PACS1: variants seen among roughly 807,000 people sequenced by gnomAD.
The protein encoded by PACS1 is PACS-1.
In PACS1, 24 loss-of-function variants were observed where a neutral mutation model predicts 115.0. The observed-to-expected ratio is 0.21, with a 90% CI of 0.15 to 0.29. PACS1 has a LOEUF of 0.29. PACS1 is among the 10% of genes least tolerant of loss of function. The pLI is 1.00. For missense variants in PACS1, 838 were observed against 1,251.2 expected (o/e 0.67, Z 4.98); for synonymous variants, 453 against 504.5 (o/e 0.90, Z 1.37).
chr11:66,162,110 T>TG (rs1293064818), intron 1 of PACS1, among the ~76,000 whole-genome samples: 13 of 112,934 alleles, frequency 1.2e-4, no homozygotes, highest in African/African-American at 3.8e-4. Context: ...GTGGTGGTGG[T>TG]GGTTTTTTTT....
At chr11:66,201,038 G>A (rs1248855207) in intron 2 of PACS1, among the ~76,000 whole-genome samples, 2 of 152,200 alleles carry the variant, frequency 1.3e-5, no homozygotes, top group Admixed American at 6.5e-5. Flanking sequence ...GGCCAAAATG[G>A]TGACAGCCCG....
At chr11:66,207,743 G>A (rs1233353405) in intron 2 of PACS1, among the ~76,000 whole-genome samples, 1 of 152,080 alleles carries the variant, frequency 6.6e-6, no homozygotes, top group African/African-American at 2.4e-5. Flanking sequence ...CCAGGCTGGA[G>A]TGCAGTGATA....
chr11:66,238,779 A>G, intron 19 of PACS1, 25 bp from the exon 20 acceptor site: 1 of 1,576,628 alleles, frequency 6.3e-7, no homozygotes, highest in Admixed American at 1.8e-5. Context: ...GGAGGATCTA[A>G]TGAGTGCCTC....
At chr11:66,104,207 C>T (rs996531300) in intron 1 of PACS1, among the ~76,000 whole-genome samples, 2 of 151,906 alleles carry the variant, frequency 1.3e-5, no homozygotes, top group Non-Finnish European at 2.9e-5. Flanking sequence ...AATCAGGGAC[C>T]GTGTGTAAGT....
intron 1 of PACS1, among the ~76,000 whole-genome samples, chr11:66,143,499 C>G (rs746052018): frequency 6.6e-6 from 1 of 152,152 alleles, no homozygotes; most frequent in Non-Finnish European, 1.5e-5. Flanking sequence ...AGTATTGTTA[C>G]CGCACTTCCC....
At chr11:66,155,501 TATTA>T (rs1407029919) in intron 1 of PACS1, among the ~76,000 whole-genome samples, 1 of 152,264 alleles carries the variant, frequency 6.6e-6, no homozygotes, top group Non-Finnish European at 1.5e-5. Context: ...TACTTCATAT[TATTA>T]ATTATCAGAG....
intron 1 of PACS1, among the ~76,000 whole-genome samples, chr11:66,192,163 T>C (rs1854540780): frequency 6.6e-6 from 1 of 152,208 alleles, no homozygotes; most frequent in Non-Finnish European, 1.5e-5. Context: ...TTAATCTGAT[T>C]TTAGCTAGAA....
At chr11:66,126,459 G>A (rs1858573507) in intron 1 of PACS1, among the ~76,000 whole-genome samples, 2 of 152,122 alleles carry the variant, frequency 1.3e-5, no homozygotes. Flanking sequence ...ATCAGCTATT[G>A]AACTGGGAAA....
At chr11:66,142,300 T>G (rs1194151269) in intron 1 of PACS1, among the ~76,000 whole-genome samples, 1 of 152,060 alleles carries the variant, frequency 6.6e-6, no homozygotes, top group East Asian at 1.9e-4. Flanking sequence ...CGCTTAAGAA[T>G]CAGCATTTTT....
intron 1 of PACS1, among the ~76,000 whole-genome samples, chr11:66,166,593 G>A (rs750056696): frequency 1.3e-5 from 2 of 150,420 alleles, no homozygotes; most frequent in African/African-American, 2.5e-5. Flanking sequence ...ACAATTAATC[G>A]TTTATTTTTG....
At chr11:66,237,865 A>G (rs1166237752) in intron 19 of PACS1, among the ~76,000 whole-genome samples, 1 of 152,382 alleles carries the variant, frequency 6.6e-6, no homozygotes, top group South Asian at 2.1e-4. Flanking sequence ...AGAAGGGCGC[A>G]TAGAGAATCG....
At chr11:66,131,559 CTTTTG>C (rs1219214156) in intron 1 of PACS1, among the ~76,000 whole-genome samples, 1 of 152,128 alleles carries the variant, frequency 6.6e-6, no homozygotes, top group South Asian at 2.1e-4. Context: ...CAGCAGAAAT[CTTTTG>C]TTTTAATTTA....
Position 66,070,729 on chromosome 11 carries a change from C to G in PACS1, c.243C>G (p.Ala81=). The G allele has an allele frequency of 6.4e-7, 1 of 1,568,316 alleles. No individual in the cohort carries two copies. The highest frequency in any genetic ancestry group is 1.8e-5 in the Admixed American group (1 of 56,954). The change falls in exon 1 of 24, where the codon GCC becomes GCG. Residue 81 remains alanine, a synonymous_variant. Transcript: ENST00000320580. The surrounding 1 kb of genome is among the most constrained non-coding windows in gnomAD (Gnocchi z 5.9). ...CCACCTCCATGGCCGTGGCGGTGGC[C>G]TCGGGCTCCGCGCCTCCCGGTGGCC... The part of the protein sequence containing the change: ...STSTSMAVAV[A]SGSAPPGGPG...
intron 1 of PACS1, among the ~76,000 whole-genome samples, chr11:66,072,626 A>C (rs901961184): frequency 5.3e-5 from 8 of 152,070 alleles, no homozygotes; most frequent in Non-Finnish European, 1.2e-4. Context: ...GCGAGAGTTG[A>C]GTATGTGATG....
chr11:66,098,107 A>G (rs1857828747), intron 1 of PACS1, among the ~76,000 whole-genome samples: 1 of 152,170 alleles, frequency 6.6e-6, no homozygotes, highest in Admixed American at 6.6e-5. Flanking sequence ...AGCTCGGGAG[A>G]TGGAAGTTTC....
chr11:66,152,430 A>G, intron 1 of PACS1, among the ~76,000 whole-genome samples: 1 of 152,156 alleles, frequency 6.6e-6, no homozygotes, highest in East Asian at 1.9e-4. Context: ...AGTCTTAGAA[A>G]GGGAAGAGAA....
At chr11:66,170,902 C>G (rs1859720853) in intron 1 of PACS1, among the ~76,000 whole-genome samples, 1 of 147,332 alleles carries the variant, frequency 6.8e-6, no homozygotes, top group Non-Finnish European at 1.5e-5. Context: ...AGAAAAAAAC[C>G]CTGTCTCAAA....
intron 2 of PACS1, among the ~76,000 whole-genome samples, chr11:66,205,524 A>G (rs545398105): frequency 2.8e-4 from 43 of 151,980 alleles, no homozygotes; most frequent in African/African-American, 9.9e-4. Flanking sequence ...TGTACCCCAT[A>G]AATATATATG....
At chr11:66,093,890 T>C (rs1448239339) in intron 1 of PACS1, among the ~76,000 whole-genome samples, 1 of 151,770 alleles carries the variant, frequency 6.6e-6, no homozygotes, top group African/African-American at 2.4e-5. Context: ...GGATTAAGAA[T>C]CTCACTCAAA....
Sources: allele counts gnomAD v4.1 joint callset (sites outside exome capture counted in the v4.1 genomes callset), GRCh38; gene constraint gnomAD v4.1.1; non-coding constraint Gnocchi (gnomAD v3.1); transcripts MANE v1.5; gene names NCBI Gene and HGNC (gene_info 2026-07-23, HGNC 2026-07-21).